GRAMD2A: variants seen among roughly 807,000 people sequenced by gnomAD.
GRAMD2A encodes GRAM domain-containing protein 2A.
A neutral mutation model predicts 51.1 loss-of-function variants in GRAMD2A; 37 were observed. The ratio of observed to expected loss-of-function variants is 0.72; its 90% confidence interval spans 0.56 to 0.95. The LOEUF is 0.95. GRAMD2A is among the 40% of genes least tolerant of loss of function. The pLI is 0.00. For synonymous variants in GRAMD2A, 136 were observed against 157.1 expected, an observed-to-expected ratio of 0.87 and a Z score of 1.01; for missense variants, 414 against 426.9, an observed-to-expected ratio of 0.97 and a Z score of 0.27.
intron 2 of GRAMD2A, chr15:72,169,602 G>T (rs961281061): frequency 2.9e-6 from 2 of 682,042 alleles, no homozygotes; most frequent in African/African-American, 3.5e-5. Flanking sequence ...GGCCAGGTTG[G>T]CCCAGAGCAC....
intron 1 of GRAMD2A, among the ~76,000 whole-genome samples, chr15:72,172,267 C>T (rs1217375932): frequency 2.0e-5 from 3 of 151,776 alleles, no homozygotes; most frequent in Non-Finnish European, 2.9e-5. Flanking sequence ...TACAGGAATG[C>T]TCCACCATGC....
At chr15:72,171,857 T>C (rs1447527595) in intron 1 of GRAMD2A, among the ~76,000 whole-genome samples, 1 of 148,532 alleles carries the variant, frequency 6.7e-6, no homozygotes, top group Non-Finnish European at 1.5e-5. Flanking sequence ...TGAGATGGAG[T>C]CTCTCTCTGT....
intron 1 of GRAMD2A, chr15:72,175,939 A>C (rs1370730013): frequency 3.9e-5 from 6 of 152,600 alleles, no homozygotes. Flanking sequence ...CACACCCAGC[A>C]GGAAAGGAGG....
At position 72,166,593 on chromosome 15, in the gene GRAMD2A, G is replaced by A. The variant is rs535370967; in HGVS notation, c.543+39C>T. The A allele has an allele frequency of 2.0e-6, 3 of 1,516,222 alleles. No individual in the cohort carries two copies. The African/African-American group carries it at 4.1e-5, about 21-fold the overall frequency. 93.9% of individuals were successfully genotyped at this position (1,516,222 alleles called of 1,614,324 possible). A position where few individuals can be genotyped will look rare whatever the true frequency, so the allele number is the denominator to read the frequency against. On this transcript the variant is annotated intron_variant, in intron 7 of 11. Transcript: ENST00000309731. This position sits in a 1 kb window ranked among gnomAD's most constrained non-coding sequence, Gnocchi z 4.1. ...TTGTGCAAGACCTGCATCCAGGCCT[G>A]AGCGACTTCCCTGGCCTTCCTGCTC...
At chr15:72,183,862 T>C in intron 1 of GRAMD2A, among the ~76,000 whole-genome samples, 1 of 152,164 alleles carries the variant, frequency 6.6e-6, no homozygotes, top group African/African-American at 2.4e-5. Context: ...AGGACAACTT[T>C]GGTGCAGTAG....
At position 72,163,319 on chromosome 15, in the gene GRAMD2A, G is replaced by C. The variant is rs375560220; in HGVS notation, c.903C>G (p.Ser301Arg). Residue 301 changes from serine to arginine, a missense_variant, in exon 10 of 12, where the codon AGC (serine) becomes AGG (arginine). Transcript: ENST00000309731. ...AATCCCAGAGCCTCAGCTCCCCAGT[G>C]CTCCTGGGCTCCTCCTCCAGCTCAT... ...EEDELEEEPR[S>R]TGELRLWDYR... 5.0e-6 allele frequency: 8 copies of C among 1,612,802 alleles called. No individual in the cohort carries two copies. In the African/African-American group the frequency reaches 1.1e-4, roughly 22 times the overall value.
rs1266041296 is a variant in GRAMD2A at position 72,163,618 on chromosome 15, A to G, written c.740T>C (p.Met247Thr). The G allele has an allele frequency of 4.4e-6, 7 of 1,596,626 alleles. No individual in the cohort carries two copies. The highest frequency in any genetic ancestry group is 1.4e-5 in the African/African-American group (1 of 73,654). The change falls in exon 9 of 12, where the codon ATG becomes ACG. Residue 247 changes from methionine (M) to threonine (T), a missense_variant. By Grantham distance (81) the Met-to-Thr change is moderately conservative. Transcript: ENST00000309731. ...DSFFPSRKPP[M>T]SEKSRAQVAS... Reference sequence around the variant, plus strand: ...ACAAGCCCTCCCGAACTTACCAGACATTGGAGGCTTCCTGGAGGGGAAGAA... The same window carrying G: ...ACAAGCCCTCCCGAACTTACCAGACGTTGGAGGCTTCCTGGAGGGGAAGAA...
chr15:72,191,693 TC>T (rs2081769178), intron 1 of GRAMD2A, among the ~76,000 whole-genome samples: 1 of 152,194 alleles, frequency 6.6e-6, no homozygotes, highest in South Asian at 2.1e-4. Context: ...ACCATCAGAA[TC>T]TGACCGAGAC....
intron 1 of GRAMD2A, among the ~76,000 whole-genome samples, chr15:72,181,288 AT>A (rs2081695900): frequency 1.3e-5 from 2 of 152,258 alleles, no homozygotes. Flanking sequence ...CAATGTAGAG[AT>A]TTAAACAGGA....
chr15:72,174,621 C>T (rs2081638471), intron 1 of GRAMD2A, among the ~76,000 whole-genome samples: 1 of 152,168 alleles, frequency 6.6e-6, no homozygotes. Flanking sequence ...GGCCCTTCCC[C>T]TGGCTGAGCA....
chr15:72,197,195 A>G (rs1252411139), intron 1 of GRAMD2A, among the ~76,000 whole-genome samples: 1 of 151,784 alleles, frequency 6.6e-6, no homozygotes, highest in Admixed American at 6.5e-5. Context: ...CGCCCGGGGG[A>G]GGCCGCGTCG....
At chr15:72,174,565 G>GT (rs1187531081) in intron 1 of GRAMD2A, among the ~76,000 whole-genome samples, 1 of 152,140 alleles carries the variant, frequency 6.6e-6, no homozygotes, top group Admixed American at 6.5e-5. Context: ...GAGTGGCAGT[G>GT]TTTTGACATT....
At chr15:72,185,613 T>G (rs543438131) in intron 1 of GRAMD2A, among the ~76,000 whole-genome samples, 7 of 152,378 alleles carry the variant, frequency 4.6e-5, no homozygotes, top group African/African-American at 1.4e-4. Context: ...AAGAAAATGA[T>G]GTAAAGGCTT....
chr15:72,169,665 C>T lies in GRAMD2A; in HGVS notation c.134+182G>A, dbSNP rs2081588368. 4.3e-6 allele frequency: 3 copies of T among 698,126 alleles called. No homozygotes were observed. In the South Asian group the frequency reaches 4.5e-5, roughly 11 times the overall value. 43.2% of individuals were successfully genotyped at this position (698,126 alleles called of 1,614,324 possible). A position where few individuals can be genotyped will look rare whatever the true frequency, so the allele number is the denominator to read the frequency against. On this transcript the variant is annotated intron_variant, in intron 2 of 11. Coordinates refer to ENST00000309731, the MANE Select transcript of GRAMD2A (RefSeq NM_001012642.3). ...CGAGAAGCATGGACTCTGCTAGGTCCCAGTGCACTGGGACAGTCTTGAGGG... is the reference window on the plus strand; with the variant it reads ...CGAGAAGCATGGACTCTGCTAGGTCTCAGTGCACTGGGACAGTCTTGAGGG...
chr15:72,173,808 A>C (rs1304478950), intron 1 of GRAMD2A: 1 of 151,972 alleles, frequency 6.6e-6, no homozygotes, highest in Non-Finnish European at 1.5e-5. Context: ...GGGCATCTGT[A>C]ATCCCAGCTA....
At chr15:72,185,828 C>A (rs1473743496) in intron 1 of GRAMD2A, among the ~76,000 whole-genome samples, 1 of 152,184 alleles carries the variant, frequency 6.6e-6, no homozygotes, top group Non-Finnish European at 1.5e-5. Context: ...GATATTGGGG[C>A]AATTTGGCTA....
In GRAMD2A at chr15:72,166,852, C is replaced by T; in HGVS notation, c.471+142G>A. 1.1e-6 allele frequency: 1 copy of T among 932,126 alleles called. No individual in the cohort carries two copies. The highest frequency in any genetic ancestry group is 2.5e-5 in the East Asian group (1 of 39,704). The allele number at this position is 932,126 out of a possible 1,614,324, so 57.7% of individuals were successfully genotyped here. A position where few individuals can be genotyped will look rare whatever the true frequency, so the allele number is the denominator to read the frequency against. On this transcript the variant is annotated intron_variant, in intron 6 of 11. Transcript: ENST00000309731. The surrounding 1 kb of genome is among the most constrained non-coding windows in gnomAD (Gnocchi z 4.1). ...CTCTGCCTAGGAACTTCTCTTCCAG[C>T]TTGTTGTACGGCCTGAAATACCTAC...
chr15:72,184,684 A>G (rs2081722877), intron 1 of GRAMD2A, among the ~76,000 whole-genome samples: 1 of 152,056 alleles, frequency 6.6e-6, no homozygotes, highest in Non-Finnish European at 1.5e-5. Context: ...AGGTCCTGGG[A>G]CCTCCTCCTC....
In GRAMD2A at chr15:72,172,602, A is replaced by T. The variant is rs572200361; in HGVS notation, c.42-2663T>A. On this transcript the variant is annotated intron_variant, in intron 1 of 11. Transcript: ENST00000309731. ...TGGCTAATTTATTTATATATATATA[A>T]ATTTTTTAGCAGAGATGGGGTTTCA... Among the ~76,000 whole-genome samples the T allele has an allele frequency of 1.5e-3, 221 of 150,696 alleles. 1 individual carries two copies. Among genetic ancestry groups the T allele is most frequent in the African/African-American group, 4.9e-3 (202 of 41,000 alleles).
Sources: allele counts gnomAD v4.1 joint callset (sites outside exome capture counted in the v4.1 genomes callset), GRCh38; gene constraint gnomAD v4.1.1; non-coding constraint Gnocchi (gnomAD v3.1); transcripts MANE v1.5; gene names NCBI Gene and HGNC (gene_info 2026-07-23, HGNC 2026-07-21).